TDRD1: variants seen among roughly 807,000 people sequenced by gnomAD.
TDRD1 encodes the protein tudor domain-containing protein 1.
In TDRD1, 37 loss-of-function variants were observed where a neutral mutation model predicts 140.6. That is an observed-to-expected ratio of 0.26 (90% CI 0.20 to 0.35). The LOEUF (loss-of-function observed/expected upper bound fraction) is 0.35, where lower values mean the gene tolerates loss of function less well. TDRD1 is among the 10% of genes least tolerant of loss of function. The pLI is 1.00. For synonymous variants in TDRD1, 506 were observed against 475.7 expected, an observed-to-expected ratio of 1.06 and a Z score of -0.83; for missense variants, 1,243 against 1,393.0, an observed-to-expected ratio of 0.89 and a Z score of 1.71.
intron 3 of TDRD1, among the ~76,000 whole-genome samples, chr10:114,192,743 A>G (rs1197121137): frequency 6.6e-6 from 1 of 152,196 alleles, no homozygotes; most frequent in East Asian, 1.9e-4. Context: ...CACATTTGCC[A>G]AAATTCAATT....
chr10:114,217,558 C>T lies in TDRD1; in HGVS notation c.2226C>T (p.Leu742=), dbSNP rs975910133. 4 of 1,569,674 alleles carry T rather than the reference C, an allele frequency of 2.5e-6. No individual in the cohort carries two copies. In the Admixed American group the frequency reaches 7.4e-5, roughly 29 times the overall value. Residue 742 remains leucine, a synonymous_variant, in exon 17 of 26, where the codon CTC becomes CTT. Transcript: ENST00000251864. ...GTGTATTTTCAGCTTTAAAGAAACTCAATGATTTGAACAAGTCATTAGCAG... is the reference window on the plus strand; with the variant it reads ...GTGTATTTTCAGCTTTAAAGAAACTTAATGATTTGAACAAGTCATTAGCAG...
chr10:114,227,349 C>G, intron 23 of TDRD1, 50 bp downstream of exon 23: 2 of 1,299,804 alleles, frequency 1.5e-6, no homozygotes, highest in Non-Finnish European at 2.2e-6. Flanking sequence ...TGAGGAATAA[C>G]AGATAATCAA....
At chr10:114,203,396 T>A in exon 8 of TDRD1, 2 of 1,596,800 alleles carry the variant, frequency 1.3e-6, no homozygotes, top group Non-Finnish European at 1.7e-6. Flanking sequence ...AGGGTACGGT[T>A]ACCGAATTCA....
chr10:114,201,537 A>G (rs773219303), intron 5 of TDRD1, 22 bp downstream of exon 5: 2 of 1,590,952 alleles, frequency 1.3e-6, no homozygotes, highest in East Asian at 2.2e-5. Flanking sequence ...TGATCTTTTT[A>G]TTCATTAAGG....
intron 1 of TDRD1, among the ~76,000 whole-genome samples, 197 bp from the exon 2 acceptor site, chr10:114,187,629 A>G (rs145022981): frequency 1.4e-4 from 21 of 152,318 alleles, no homozygotes; most frequent in Non-Finnish European, 2.6e-4. Flanking sequence ...TTTCTGTTAG[A>G]GTTCATACTT....
Position 114,204,245 on chromosome 10 carries a change from AAT to A in TDRD1, c.1125+31_1125+32del, listed in dbSNP as rs768941218. 38 of 1,565,208 alleles carry A rather than the reference AAT, an allele frequency of 2.4e-5. 1 individual carries two copies. Among genetic ancestry groups the A allele is most frequent in the South Asian group, 2.3e-4 (19 of 82,316 alleles). ...AGTCTCTTTTACTTTCTAGATTTTTAATAGTGTCCCAAAGGAGCTGTTGTCAA... is the reference window on the plus strand; with the variant it reads ...AGTCTCTTTTACTTTCTAGATTTTTAAGTGTCCCAAAGGAGCTGTTGTCAA... On this transcript the variant is annotated intron_variant, in intron 9 of 25. Transcript: ENST00000251864.
downstream of TDRD1, among the ~76,000 whole-genome samples, chr10:114,232,504 C>CTTTTTTTTTTTTT (rs140805425): frequency 2.0e-4 from 16 of 81,682 alleles, no homozygotes; most frequent in East Asian, 9.4e-4. Context: ...ACTTGAAAGA[C>CTTTTTTTTTTTTT]TTTTTTTTTT....
chr10:114,218,313 A>G (rs1378453429), intron 17 of TDRD1, 101 bp from the exon 18 acceptor site: 4 of 803,288 alleles, frequency 5.0e-6, no homozygotes, highest in Non-Finnish European at 7.3e-6. Context: ...AAGCAAATTT[A>G]TTACCTACTT....
At chr10:114,197,858 A>G (rs948580643) in intron 3 of TDRD1, among the ~76,000 whole-genome samples, 2 of 151,972 alleles carry the variant, frequency 1.3e-5, no homozygotes, top group African/African-American at 4.8e-5. Flanking sequence ...GGTTCGCCAT[A>G]TTGGCCAGGC....
intron 25 of TDRD1, chr10:114,228,344 G>T: frequency 7.7e-7 from 1 of 1,300,728 alleles, no homozygotes; most frequent in Non-Finnish European, 9.8e-7. Context: ...ACCCCCAGGG[G>T]TATTCCAGTT....
rs1012757675 is a variant in TDRD1 at position 114,212,054 on chromosome 10, C to T, written c.1831+18C>T. On this transcript the variant is annotated intron_variant, in intron 14 of 25. Coordinates refer to ENST00000251864, the Ensembl canonical transcript of TDRD1. ...ACTAGCAGGTATGAAATTTTTATAG[C>T]CTCCATATTCTTTAAAAATTCTACA... 8 of 1,572,338 alleles carry T rather than the reference C, an allele frequency of 5.1e-6. No individual in the cohort carries two copies. In the African/African-American group the frequency reaches 8.3e-5, roughly 16 times the overall value.
chr10:114,205,125 A>G (rs2035016419), intron 10 of TDRD1, among the ~76,000 whole-genome samples: 1 of 152,188 alleles, frequency 6.6e-6, no homozygotes, highest in Non-Finnish European at 1.5e-5. Context: ...CGATCCCTTT[A>G]ATAGAGCCAT....
At chr10:114,177,165 G>C (rs1361482761), upstream of TDRD1, among the ~76,000 whole-genome samples, 2 of 152,174 alleles carry the variant, frequency 1.3e-5, no homozygotes, top group Non-Finnish European at 2.9e-5. Flanking sequence ...CTCCCATGCA[G>C]AAGAATTTCA....
chr10:114,188,749 T>A (rs1481333039), intron 2 of TDRD1, among the ~76,000 whole-genome samples: 1 of 151,818 alleles, frequency 6.6e-6, no homozygotes, highest in African/African-American at 2.4e-5. Context: ...CCCAGCTACT[T>A]GAGAGGCTGA....
intron 3 of TDRD1, among the ~76,000 whole-genome samples, chr10:114,192,344 C>T (rs1314645878): frequency 2.4e-5 from 3 of 123,932 alleles, no homozygotes; most frequent in East Asian, 5.1e-4. Flanking sequence ...TGCTCTTTCA[C>T]CCAGGCTGGA....
At chr10:114,217,179 C>A (rs1368799804) in intron 16 of TDRD1, among the ~76,000 whole-genome samples, 1 of 152,170 alleles carries the variant, frequency 6.6e-6, no homozygotes, top group South Asian at 2.1e-4. Flanking sequence ...TTATACATTA[C>A]CTGTGCCATC....
upstream of TDRD1, among the ~76,000 whole-genome samples, chr10:114,175,361 C>T (rs185209691): frequency 1.7e-3 from 257 of 152,054 alleles, 1 homozygote; most frequent in Non-Finnish European, 2.8e-3. Context: ...TCTTTGTGAA[C>T]CAAGTTTTTC....
intron 2 of TDRD1, among the ~76,000 whole-genome samples, chr10:114,189,023 A>G (rs1336879052): frequency 1.3e-5 from 2 of 152,222 alleles, no homozygotes; most frequent in Non-Finnish European, 2.9e-5. Context: ...CAGGAGGTCA[A>G]AACTGTTTTC....
rs1005863084 is a variant in TDRD1 at position 114,227,253 on chromosome 10, T to A, written c.3357T>A (p.Gly1119=). Residue 1119 remains glycine (G), a synonymous_variant, in exon 23 of 26, where the codon GGT becomes GGA. Coordinates refer to ENST00000251864, the Ensembl canonical transcript of TDRD1. ...TAGCTGATAAGCTAGTGACATTTGG[T>A]CTGGCAAAAAACATCACACCTCAAA... 3 of 1,614,072 alleles carry A rather than the reference T, an allele frequency of 1.9e-6. No individual in the cohort carries two copies. In the African/African-American group the frequency reaches 4.0e-5, roughly 22 times the overall value.
Sources: allele counts gnomAD v4.1 joint callset (sites outside exome capture counted in the v4.1 genomes callset), GRCh38; gene constraint gnomAD v4.1.1; transcripts MANE v1.5; gene names NCBI Gene and HGNC (gene_info 2026-07-23, HGNC 2026-07-21).